PLD1: variants seen among roughly 807,000 people sequenced by gnomAD.
PLD1 encodes the protein choline phosphatase 1.
Under a neutral mutation model 137.1 loss-of-function variants are expected in PLD1, and 112 were observed. The ratio of observed to expected loss-of-function variants is 0.82; its 90% confidence interval spans 0.70 to 0.96. The LOEUF is 0.96. Ranked by LOEUF, PLD1 falls within the 40% of genes least tolerant of loss-of-function variation. The pLI, the probability that PLD1 is intolerant of heterozygous loss-of-function variation, is 0.00. For synonymous variants in PLD1, 431 were observed against 454.7 expected (o/e 0.95, Z 0.66); for missense variants, 1,321 against 1,342.0 (o/e 0.98, Z 0.24).
intron 23 of PLD1, among the ~76,000 whole-genome samples, chr3:171,635,288 A>G (rs1354831902): frequency 6.6e-6 from 1 of 152,190 alleles, no homozygotes; most frequent in Non-Finnish European, 1.5e-5. Flanking sequence ...AATGTTAAGG[A>G]GTAGAACTGC....
chr3:171,614,599 A>G (rs550773220), intron 24 of PLD1, among the ~76,000 whole-genome samples: 1 of 152,330 alleles, frequency 6.6e-6, no homozygotes, highest in South Asian at 2.1e-4. Flanking sequence ...CATTTGATGG[A>G]ATGTAGCATT....
At chr3:171,640,110 G>C (rs1365666830) in intron 23 of PLD1, among the ~76,000 whole-genome samples, 1 of 151,648 alleles carries the variant, frequency 6.6e-6, no homozygotes, top group African/African-American at 2.4e-5. Context: ...TTTTCAAAAA[G>C]CTAACTTTTG....
At chr3:171,783,971 C>A (rs1722894859) in intron 1 of PLD1, among the ~76,000 whole-genome samples, 1 of 152,148 alleles carries the variant, frequency 6.6e-6, no homozygotes, top group Non-Finnish European at 1.5e-5. Context: ...TAACACTCTC[C>A]AGCATTTTCA....
At chr3:171,635,520 T>C (rs1162621715) in intron 23 of PLD1, among the ~76,000 whole-genome samples, 1 of 152,140 alleles carries the variant, frequency 6.6e-6, no homozygotes, top group Admixed American at 6.5e-5. Context: ...TGACTAGTGA[T>C]ATTGAGTTTT....
At chr3:171,799,756 A>G (rs1392594780) in intron 1 of PLD1, among the ~76,000 whole-genome samples, 2 of 152,230 alleles carry the variant, frequency 1.3e-5, no homozygotes, top group Admixed American at 6.5e-5. Flanking sequence ...TACCCTTGAT[A>G]CGATGTAATA....
chr3:171,699,674 G>A, intron 12 of PLD1, 71 bp downstream of exon 12: 1 of 1,115,714 alleles, frequency 9.0e-7, no homozygotes, highest in South Asian at 1.3e-5. Flanking sequence ...GAAAGGCTTT[G>A]AAAAGAAAAG....
chr3:171,639,484 T>C (rs1735459801), intron 23 of PLD1, among the ~76,000 whole-genome samples: 1 of 117,084 alleles, frequency 8.5e-6, no homozygotes, highest in Non-Finnish European at 1.6e-5. Flanking sequence ...TTTTAATAGA[T>C]AAATATTTTA....
At chr3:171,634,423 G>A (rs906984211) in intron 23 of PLD1, among the ~76,000 whole-genome samples, 7 of 151,948 alleles carry the variant, frequency 4.6e-5, no homozygotes, top group African/African-American at 1.7e-4. Context: ...TTATTTTATC[G>A]ATATATCTTT....
At chr3:171,613,004 C>T (rs1009305833) in intron 24 of PLD1, among the ~76,000 whole-genome samples, 4 of 151,964 alleles carry the variant, frequency 2.6e-5, no homozygotes, top group African/African-American at 7.3e-5. Context: ...CTGGTCTCTA[C>T]AAAAAGTTTT....
At chr3:171,620,773 ATATATTTT>A (rs1560151195) in intron 23 of PLD1, among the ~76,000 whole-genome samples, 7 of 135,692 alleles carry the variant, frequency 5.2e-5, no homozygotes, top group African/African-American at 2.1e-4. Flanking sequence ...TATATATTAT[ATATATTTT>A]TTTTTTAATT....
At chr3:171,631,539 C>T (rs995348047) in intron 23 of PLD1, among the ~76,000 whole-genome samples, 2 of 152,112 alleles carry the variant, frequency 1.3e-5, no homozygotes, top group African/African-American at 2.4e-5. Context: ...TTATAAATAC[C>T]ATTTTTCGCT....
intron 21 of PLD1, chr3:171,654,261 C>A (rs1737015414): frequency 7.4e-6 from 2 of 268,516 alleles, no homozygotes; most frequent in Non-Finnish European, 1.5e-5. Context: ...CAAGATCACA[C>A]CACTGCACTT....
intron 1 of PLD1, among the ~76,000 whole-genome samples, chr3:171,777,604 T>G (rs1402294992): frequency 1.3e-5 from 2 of 152,178 alleles, no homozygotes; most frequent in South Asian, 4.1e-4. Flanking sequence ...GACCTCACTT[T>G]CCAGCCAAAT....
intron 12 of PLD1, among the ~76,000 whole-genome samples, chr3:171,695,756 AG>A (rs1412153562): frequency 3.9e-5 from 1 of 25,726 alleles, no homozygotes; most frequent in Non-Finnish European, 7.1e-5. Flanking sequence ...CCCCCAACCC[AG>A]GATGCTCACT....
intron 10 of PLD1, 146 bp from the exon 11 acceptor site, chr3:171,708,984 A>C: frequency 3.4e-6 from 2 of 590,810 alleles, no homozygotes; most frequent in East Asian, 5.6e-5. Flanking sequence ...CTGGAAAACA[A>C]GGATTGAAAA....
intron 1 of PLD1, chr3:171,765,013 A>T (rs1223344264): frequency 6.6e-6 from 1 of 151,248 alleles, no homozygotes; most frequent in African/African-American, 2.4e-5. Context: ...AAAGAGAAAA[A>T]GAAAAAGAAA....
At chr3:171,622,132 C>T (rs1403154837) in intron 23 of PLD1, among the ~76,000 whole-genome samples, 1 of 152,162 alleles carries the variant, frequency 6.6e-6, no homozygotes, top group Non-Finnish European at 1.5e-5. Context: ...GTTTAAGATA[C>T]AAAGCAGCTT....
At chr3:171,794,639 T>C (rs991700047) in intron 1 of PLD1, among the ~76,000 whole-genome samples, 2 of 152,050 alleles carry the variant, frequency 1.3e-5, no homozygotes, top group African/African-American at 2.4e-5. Flanking sequence ...TTGTAGTAGT[T>C]ACATCGTGAA....
rs1465130781 is a variant in PLD1 at position 171,674,504 on chromosome 3, A to C, written c.2225T>G (p.Val742Gly). ...GAAAAGCCAGAACTTACTTACCTGT[A>C]CGTTAGCATGGACAGACCCAGGCAC... ...YQVPGSVHANVQLLRSAADWS... is the reference protein window; with the variant it reads ...YQVPGSVHANGQLLRSAADWS... Residue 742 changes from valine (V) to glycine (G), a missense_variant, in exon 19 of 27, where the codon GTA becomes GGA. Val to Gly is a moderately radical substitution (Grantham distance 109). Coordinates refer to ENST00000351298, the MANE Select transcript of PLD1 (RefSeq NM_002662.5). 2 of 1,543,358 alleles carry C rather than the reference A, an allele frequency of 1.3e-6. No individual in the cohort carries two copies. Among genetic ancestry groups the C allele is most frequent in the Non-Finnish European group, 1.8e-6 (2 of 1,122,800 alleles).
Sources: allele counts gnomAD v4.1 joint callset (sites outside exome capture counted in the v4.1 genomes callset), GRCh38; gene constraint gnomAD v4.1.1; transcripts MANE v1.5; gene names NCBI Gene and HGNC (gene_info 2026-07-23, HGNC 2026-07-21).